LCLAT1: variants seen among roughly 807,000 people sequenced by gnomAD.
LCLAT1 encodes the protein lysocardiolipin acyltransferase 1, also known as 1-AGP acyltransferase 8.
In LCLAT1, 11 loss-of-function variants were observed where a neutral mutation model predicts 30.7. The ratio of observed to expected loss-of-function variants is 0.36; its 90% CI spans 0.23 to 0.59. The LOEUF (loss-of-function observed/expected upper bound fraction) is 0.59. LCLAT1 is among the 20% of genes least tolerant of loss of function. LCLAT1 has a pLI of 0.77. For synonymous variants in LCLAT1, 155 were observed against 151.3 expected, an observed-to-expected ratio of 1.02 and a Z score of -0.18; for missense variants, 402 against 458.6, an observed-to-expected ratio of 0.88 and a Z score of 1.13.
intron 4 of LCLAT1, among the ~76,000 whole-genome samples, chr2:30,565,606 A>AACATAACACCTATAT (rs1233726056): frequency 6.6e-6 from 1 of 152,320 alleles, no homozygotes; most frequent in East Asian, 1.9e-4. Context: ...TATTGCATAT[A>AACATAACACCTATAT]ACATAACACC....
At chr2:30,502,604 G>A (rs1246999233) in intron 1 of LCLAT1, among the ~76,000 whole-genome samples, 1 of 152,142 alleles carries the variant, frequency 6.6e-6, no homozygotes, top group Non-Finnish European at 1.5e-5. Context: ...GGCATTTCAT[G>A]TGAATGAAAT....
At chr2:30,539,244 AG>A (rs1663989179) in intron 3 of LCLAT1, among the ~76,000 whole-genome samples, 2 of 119,414 alleles carry the variant, frequency 1.7e-5, no homozygotes, top group Non-Finnish European at 3.4e-5. Context: ...CCACCGCGCC[AG>A]GCCTTTTTTT....
chr2:30,635,575 A>T (rs1558571290), intron 5 of LCLAT1, among the ~76,000 whole-genome samples: 1 of 152,198 alleles, frequency 6.6e-6, no homozygotes, highest in Non-Finnish European at 1.5e-5. Context: ...TAAACAAGCA[A>T]TTTTAAAAAA....
chr2:30,450,882 A>G (rs560291123), intron 1 of LCLAT1, among the ~76,000 whole-genome samples: 22 of 151,992 alleles, frequency 1.4e-4, no homozygotes, highest in Non-Finnish European at 2.5e-4. Flanking sequence ...AAAATTGGAA[A>G]CTTCTCTTCA....
chr2:30,581,425 AATT>A (rs1446775052), intron 5 of LCLAT1, among the ~76,000 whole-genome samples: 1 of 152,184 alleles, frequency 6.6e-6, no homozygotes. Flanking sequence ...GTGATTAGGA[AATT>A]AGTATGTTGA....
At chr2:30,508,060 C>T (rs1171259929) in intron 1 of LCLAT1, among the ~76,000 whole-genome samples, 3 of 152,016 alleles carry the variant, frequency 2.0e-5, no homozygotes, top group Non-Finnish European at 2.9e-5. Context: ...CAGCTTTTTC[C>T]TCATATGCTC....
At chr2:30,588,054 C>T (rs1038890771) in intron 5 of LCLAT1, among the ~76,000 whole-genome samples, 9 of 152,220 alleles carry the variant, frequency 5.9e-5, no homozygotes, top group African/African-American at 1.9e-4. Context: ...TGAGCTCTGA[C>T]CCTCTGGTAG....
chr2:30,459,729 C>A (rs775588220), intron 1 of LCLAT1: 2 of 1,591,752 alleles, frequency 1.3e-6, no homozygotes, highest in Non-Finnish European at 8.6e-7. Context: ...TTGGGTAAGT[C>A]TTTGTAATGA....
intron 5 of LCLAT1, among the ~76,000 whole-genome samples, chr2:30,603,206 C>T (rs1280561024): frequency 6.6e-6 from 1 of 151,992 alleles, no homozygotes; most frequent in African/African-American, 2.4e-5. Flanking sequence ...AATTAATAAA[C>T]ATTCAGAGAA....
At chr2:30,545,047 T>G (rs1664334488) in intron 3 of LCLAT1, among the ~76,000 whole-genome samples, 2 of 152,148 alleles carry the variant, frequency 1.3e-5, no homozygotes, top group Admixed American at 6.6e-5. Flanking sequence ...TGATAGGATT[T>G]CATGAAAATG....
At chr2:30,534,629 A>C (rs572481028) in intron 3 of LCLAT1, among the ~76,000 whole-genome samples, 1 of 152,070 alleles carries the variant, frequency 6.6e-6, no homozygotes, top group African/African-American at 2.4e-5. Context: ...TCTCTTTGCC[A>C]CTTTTCCAAT....
At chr2:30,628,773 C>T (rs530778931) in intron 5 of LCLAT1, among the ~76,000 whole-genome samples, 160 of 152,092 alleles carry the variant, frequency 1.1e-3, no homozygotes, top group African/African-American at 3.6e-3. Context: ...GAAAGTAAAG[C>T]TGGATTATAA....
chr2:30,552,490 C>T, intron 3 of LCLAT1: 2 of 440,804 alleles, frequency 4.5e-6, no homozygotes, highest in Non-Finnish European at 4.6e-6. Context: ...CTTGTATTTT[C>T]AGCACAGTCA....
chr2:30,518,275 C>T (rs1298387314), intron 1 of LCLAT1, among the ~76,000 whole-genome samples: 2 of 152,140 alleles, frequency 1.3e-5, no homozygotes, highest in African/African-American at 4.8e-5. Flanking sequence ...CTAACCAGAC[C>T]TAGGAGGAAC....
chr2:30,485,109 G>T (rs1431323753), intron 1 of LCLAT1, among the ~76,000 whole-genome samples: 3 of 152,086 alleles, frequency 2.0e-5, no homozygotes, highest in African/African-American at 7.2e-5. Flanking sequence ...TTTCACCAGT[G>T]AATAATTGCA....
Position 30,641,320 on chromosome 2 carries a change from GAAGT to G in LCLAT1, c.*704_*707del, listed in dbSNP as rs981776680. 1 of 152,194 alleles carries G rather than the reference GAAGT, an allele frequency of 6.6e-6. No individual in the cohort carries two copies. Among genetic ancestry groups the G allele is most frequent in the Non-Finnish European group, 1.5e-5 (1 of 68,034 alleles). The allele number at this position is 152,194 out of a possible 1,614,324, so 9.4% of individuals were successfully genotyped here. A position where few individuals can be genotyped will look rare whatever the true frequency, so the allele number is the denominator to read the frequency against. On this transcript the variant is annotated 3_prime_UTR_variant, in exon 6 of 6. Coordinates refer to ENST00000379509, the MANE Select transcript of LCLAT1 (RefSeq NM_001002257.3). ...CTTTAGTTTGAATTTTAAAAGATAG[GAAGT>G]AATACAGTTTAAGTTCCTTTCTCAC...
chr2:30,521,197 G>A (rs774688056), intron 1 of LCLAT1, among the ~76,000 whole-genome samples: 2 of 152,124 alleles, frequency 1.3e-5, no homozygotes, highest in African/African-American at 2.4e-5. Context: ...ACCCTATAAG[G>A]TCTAAAAAGG....
intron 5 of LCLAT1, among the ~76,000 whole-genome samples, chr2:30,634,865 T>C (rs2148533005): frequency 6.6e-6 from 1 of 152,360 alleles, no homozygotes; most frequent in East Asian, 1.9e-4. Context: ...CAGTTTCATA[T>C]GAACCAAGCC....
intron 5 of LCLAT1, among the ~76,000 whole-genome samples, chr2:30,636,558 CCA>C (rs962900750): frequency 1.3e-5 from 2 of 152,146 alleles, no homozygotes; most frequent in African/African-American, 4.8e-5. Flanking sequence ...AGCCCTCCCT[CCA>C]CACTCGGTGC....
Sources: allele counts gnomAD v4.1 joint callset (sites outside exome capture counted in the v4.1 genomes callset), GRCh38; gene constraint gnomAD v4.1.1; transcripts MANE v1.5; gene names NCBI Gene and HGNC (gene_info 2026-07-23, HGNC 2026-07-21).